SORCS1: variants seen among roughly 807,000 people sequenced by gnomAD.
The protein encoded by SORCS1 is VPS10 domain-containing receptor SorCS1.
Under a neutral mutation model 146.1 loss-of-function variants are expected in SORCS1, and 60 were observed. The ratio of observed to expected loss-of-function variants is 0.41; its 90% CI spans 0.33 to 0.51. The LOEUF (loss-of-function observed/expected upper bound fraction) is 0.51, where lower values mean the gene tolerates loss of function less well. Among genes scored for constraint, SORCS1 ranks in the 20% least tolerant of loss-of-function variants. The pLI, the probability that SORCS1 is intolerant of heterozygous loss-of-function variation, is 0.21. For missense variants in SORCS1, 1,352 were observed against 1,487.6 expected (o/e 0.91, Z 1.50); for synonymous variants, 637 against 584.0 (o/e 1.09, Z -1.31).
intron 1 of SORCS1, among the ~76,000 whole-genome samples, chr10:106,971,554 C>G (rs766347832): frequency 1.3e-5 from 2 of 152,182 alleles, no homozygotes; most frequent in Non-Finnish European, 2.9e-5. Context: ...CTTTGAATTT[C>G]CTCTTGAAAG....
At chr10:106,627,176 G>A (rs1299783350) in intron 19 of SORCS1, among the ~76,000 whole-genome samples, 1 of 152,108 alleles carries the variant, frequency 6.6e-6, no homozygotes, top group Non-Finnish European at 1.5e-5. Flanking sequence ...ACCTCAAGGG[G>A]TATGATCACA....
At chr10:107,052,759 T>C (rs1960239742) in intron 1 of SORCS1, among the ~76,000 whole-genome samples, 1 of 152,176 alleles carries the variant, frequency 6.6e-6, no homozygotes, top group Non-Finnish European at 1.5e-5. Context: ...ACTTCTGTTC[T>C]ATAATGGGAA....
chr10:106,760,050 C>A (rs1406492181), intron 5 of SORCS1, among the ~76,000 whole-genome samples: 5 of 152,078 alleles, frequency 3.3e-5, no homozygotes, highest in Non-Finnish European at 7.3e-5. Flanking sequence ...CCATAACCCA[C>A]TATGATGTGA....
chr10:106,972,861 G>A (rs1393249326), intron 1 of SORCS1, among the ~76,000 whole-genome samples: 1 of 152,202 alleles, frequency 6.6e-6, no homozygotes, highest in African/African-American at 2.4e-5. Flanking sequence ...GCAATGGGGA[G>A]ATGTTTTTTG....
intron 3 of SORCS1, among the ~76,000 whole-genome samples, chr10:106,814,661 T>C (rs1363358827): frequency 4.6e-5 from 7 of 152,090 alleles, no homozygotes. Context: ...ACACCTGTAA[T>C]CCCAGCACTT....
intron 2 of SORCS1, among the ~76,000 whole-genome samples, chr10:106,952,873 C>T (rs1954758094): frequency 6.6e-6 from 1 of 151,580 alleles, no homozygotes; most frequent in Admixed American, 6.6e-5. Context: ...GTCCCAGCTA[C>T]TTGGGAGGCT....
In SORCS1 at chr10:106,576,326, G is replaced by A. The variant is rs577121469; in HGVS notation, c.*1094C>T. Reference sequence around the variant, plus strand: ...CAGGCCAGTATTTAGGAAACGTCAGGGTTAATGTCCAGAATCTAGCAATAT... The same window carrying A: ...CAGGCCAGTATTTAGGAAACGTCAGAGTTAATGTCCAGAATCTAGCAATAT... On this transcript the variant is annotated 3_prime_UTR_variant, in exon 26 of 26. Transcript: ENST00000263054. 1.1e-4 allele frequency: 17 copies of A among 152,440 alleles called. No homozygotes were observed. The highest frequency in any genetic ancestry group is 4.1e-4 in the African/African-American group (17 of 41,552). The allele number at this position is 152,440 out of a possible 1,614,324, so 9.4% of individuals were successfully genotyped here.
At chr10:106,813,085 GAGT>G (rs906132178) in intron 3 of SORCS1, among the ~76,000 whole-genome samples, 1 of 151,104 alleles carries the variant, frequency 6.6e-6, no homozygotes, top group Non-Finnish European at 1.5e-5. Flanking sequence ...ACAGATAAGT[GAGT>G]AGGACAGGCG....
chr10:107,044,221 A>G (rs1431662132), intron 1 of SORCS1, among the ~76,000 whole-genome samples: 1 of 152,092 alleles, frequency 6.6e-6, no homozygotes, highest in African/African-American at 2.4e-5. Flanking sequence ...ATCTTATCTA[A>G]CCAAATAAAT....
chr10:106,969,475 G>A (rs1264239009), intron 1 of SORCS1, among the ~76,000 whole-genome samples: 2 of 152,160 alleles, frequency 1.3e-5, no homozygotes, highest in Non-Finnish European at 2.9e-5. Context: ...GGAAGGACTG[G>A]ATTGGGCCAG....
chr10:107,171,000 A>C, the SORCS1 span, among the ~76,000 whole-genome samples: 3 of 152,182 alleles, frequency 2.0e-5, no homozygotes, highest in Non-Finnish European at 4.4e-5. Context: ...CCTATTCCTT[A>C]ATCTGCAAAA....
intron 21 of SORCS1, 86 bp from the exon 22 acceptor site, chr10:106,612,109 A>G: frequency 1.9e-6 from 2 of 1,063,046 alleles, no homozygotes; most frequent in Admixed American, 2.1e-5. Flanking sequence ...TACAAAATGG[A>G]GGGTCCTTCC....
intron 1 of SORCS1, among the ~76,000 whole-genome samples, chr10:107,021,513 CAAAAAAAAAAA>C (rs869141427): frequency 0.024 from 1,637 of 68,672 alleles, 28 homozygotes; most frequent in Non-Finnish European, 0.035. Flanking sequence ...CACTCCGTCT[CAAAAAAAAAAA>C]AAAAAAAAAA....
At chr10:106,915,335 C>T (rs1952365283) in intron 2 of SORCS1, among the ~76,000 whole-genome samples, 1 of 152,292 alleles carries the variant, frequency 6.6e-6, no homozygotes, top group Non-Finnish European at 1.5e-5. Flanking sequence ...TAAATAGAAA[C>T]AAACCAATGC....
intron 10 of SORCS1, among the ~76,000 whole-genome samples, chr10:106,683,724 C>G (rs1344883757): frequency 6.6e-6 from 1 of 152,172 alleles, no homozygotes; most frequent in Non-Finnish European, 1.5e-5. Context: ...ACTGAAAGGA[C>G]AGATCAGAGC....
intron 10 of SORCS1, among the ~76,000 whole-genome samples, chr10:106,685,511 C>A (rs545036294): frequency 6.6e-6 from 1 of 152,224 alleles, no homozygotes; most frequent in South Asian, 2.1e-4. Context: ...AGAAAGTTCT[C>A]TAAAATTAAG....
intron 3 of SORCS1, among the ~76,000 whole-genome samples, chr10:106,807,750 G>C (rs1202933469): frequency 6.6e-6 from 1 of 152,212 alleles, no homozygotes; most frequent in Non-Finnish European, 1.5e-5. Flanking sequence ...CAGCAGCTAA[G>C]CTCCAACTAT....
chr10:106,614,003 A>G (rs1847187086), intron 21 of SORCS1, among the ~76,000 whole-genome samples: 1 of 151,910 alleles, frequency 6.6e-6, no homozygotes, highest in South Asian at 2.1e-4. Flanking sequence ...TGCACCCTTC[A>G]TCACTGGACC....
At chr10:107,010,882 C>T (rs1476320447) in intron 1 of SORCS1, among the ~76,000 whole-genome samples, 1 of 152,120 alleles carries the variant, frequency 6.6e-6, no homozygotes, top group Non-Finnish European at 1.5e-5. Flanking sequence ...TCTCACAGAG[C>T]TTTCAAACCA....
Sources: allele counts gnomAD v4.1 joint callset (sites outside exome capture counted in the v4.1 genomes callset), GRCh38; gene constraint gnomAD v4.1.1; transcripts MANE v1.5; gene names NCBI Gene and HGNC (gene_info 2026-07-23, HGNC 2026-07-21).